EHMT1: variants seen among roughly 807,000 people sequenced by gnomAD.
EHMT1 encodes the protein histone-lysine N-methyltransferase EHMT1.
A neutral mutation model predicts 147.2 loss-of-function variants in EHMT1; 15 were observed. The ratio of observed to expected loss-of-function variants is 0.10; its 90% confidence interval spans 0.07 to 0.16. The LOEUF (loss-of-function observed/expected upper bound fraction) is 0.16. Among genes scored for constraint, EHMT1 ranks in the 10% least tolerant of loss-of-function variants. EHMT1 has a pLI of 1.00. For missense variants in EHMT1, 1,587 were observed against 1,772.4 expected (o/e 0.90, Z 1.88); for synonymous variants, 795 against 709.6 (o/e 1.12, Z -1.91).
chr9:137,742,036 A>G (rs115146771), intron 4 of EHMT1, among the ~76,000 whole-genome samples: 199 of 152,272 alleles, frequency 1.3e-3, no homozygotes, highest in African/African-American at 4.7e-3. Flanking sequence ...AGCCTGTTAT[A>G]GTGTGGACAG....
chr9:137,811,727 T>C, intron 19 of EHMT1, 112 bp downstream of exon 19: 1 of 1,401,740 alleles, frequency 7.1e-7, no homozygotes. Context: ...ACACAGGCCC[T>C]CTGTTCCTTC....
chr9:137,781,229 TGTG>T lies in EHMT1; in HGVS notation c.2276-1058_2276-1056del, dbSNP rs1364989036. ...GACGTGTGGTGACGACGCTGGGACGTGTGGTGACGACGCTGGGACGTGTGGTGA... is the reference window on the plus strand; with the variant it reads ...GACGTGTGGTGACGACGCTGGGACGTGTGACGACGCTGGGACGTGTGGTGA... On this transcript the variant is annotated intron_variant, in intron 14 of 26. Coordinates refer to ENST00000460843, the MANE Select transcript of EHMT1 (RefSeq NM_024757.5). 8.0e-4 allele frequency among the ~76,000 whole-genome samples: 70 copies of T among 87,938 alleles called. 8 individuals carry two copies. Among genetic ancestry groups the T allele is most frequent in the Non-Finnish European group, 1.1e-3 (51 of 46,910 alleles). 57.7% of individuals were successfully genotyped at this position (87,938 alleles called of 152,430 possible). A position where few individuals can be genotyped will look rare whatever the true frequency, so the allele number is the denominator to read the frequency against.
At chr9:137,830,797 T>C (rs73581172) in intron 25 of EHMT1, among the ~76,000 whole-genome samples, 1,636 of 152,290 alleles carry the variant, frequency 0.011, 33 homozygotes, top group African/African-American at 0.037. Context: ...TGTTTTTTGA[T>C]TGTGTAAAAT....
At chr9:137,801,608 C>T (rs1278308813) in intron 18 of EHMT1, among the ~76,000 whole-genome samples, 8 of 152,230 alleles carry the variant, frequency 5.3e-5, no homozygotes, top group Admixed American at 3.9e-4. Flanking sequence ...AAGTGATTCT[C>T]CTGCCTCAGC....
At chr9:137,625,330 C>G (rs189344625) in intron 1 of EHMT1, among the ~76,000 whole-genome samples, 1 of 152,134 alleles carries the variant, frequency 6.6e-6, no homozygotes, top group Non-Finnish European at 1.5e-5. Context: ...GCTGTGAAAT[C>G]TGAAGATTGA....
chr9:137,701,164 TC>T (rs140907067), intron 1 of EHMT1, among the ~76,000 whole-genome samples: 15,268 of 151,998 alleles, frequency 0.1, 835 homozygotes, highest in Middle Eastern at 0.2. Flanking sequence ...ACCAGGTCCC[TC>T]CCCCAACATT....
At chr9:137,803,156 C>G in intron 18 of EHMT1, 1 of 1,225,870 alleles carries the variant, frequency 8.2e-7, no homozygotes, top group African/African-American at 1.6e-5. Flanking sequence ...GCTGTTCCCC[C>G]AGAATGGAAG....
chr9:137,742,080 TC>T (rs1948133688), intron 4 of EHMT1, among the ~76,000 whole-genome samples: 1 of 152,186 alleles, frequency 6.6e-6, no homozygotes, highest in South Asian at 2.1e-4. Context: ...GGCTGTGTGC[TC>T]CGAGCCTGAC....
intron 1 of EHMT1, among the ~76,000 whole-genome samples, chr9:137,635,596 G>T (rs777858884): frequency 2.6e-5 from 4 of 151,506 alleles, no homozygotes; most frequent in Admixed American, 2.0e-4. Flanking sequence ...CGAGGTGGGT[G>T]GATCACGAGG....
At chr9:137,802,448 T>A (rs1342045801) in intron 18 of EHMT1, 1 of 398,566 alleles carries the variant, frequency 2.5e-6, no homozygotes, top group Admixed American at 4.4e-5. Flanking sequence ...CAGCCACAAA[T>A]AAACCCACTA....
chr9:137,623,450 C>T (rs931456397), intron 1 of EHMT1, among the ~76,000 whole-genome samples: 2 of 151,650 alleles, frequency 1.3e-5, no homozygotes, highest in African/African-American at 4.8e-5. Context: ...AGGTCCGCTC[C>T]GTCGCCCAGG....
At chr9:137,684,476 T>C (rs1288601955) in intron 1 of EHMT1, among the ~76,000 whole-genome samples, 1 of 152,124 alleles carries the variant, frequency 6.6e-6, no homozygotes, top group East Asian at 1.9e-4. Flanking sequence ...ACAAAGCCAT[T>C]ATTTTTTGTT....
intron 1 of EHMT1, among the ~76,000 whole-genome samples, chr9:137,707,063 G>A (rs1944329499): frequency 6.6e-6 from 1 of 152,218 alleles, no homozygotes; most frequent in Admixed American, 6.5e-5. Context: ...GACCTCAGGT[G>A]ATCCACTCAC....
chr9:137,778,164 C>A (rs1017812618), intron 13 of EHMT1, 109 bp downstream of exon 13: 2 of 1,340,116 alleles, frequency 1.5e-6, no homozygotes, highest in African/African-American at 1.4e-5. Flanking sequence ...TTGATTAATG[C>A]TGTTCGTTAG....
chr9:137,725,485 A>T (rs1946535823), intron 3 of EHMT1, among the ~76,000 whole-genome samples: 1 of 152,188 alleles, frequency 6.6e-6, no homozygotes, highest in South Asian at 2.1e-4. Flanking sequence ...GAATCACTGA[A>T]TGTGGCACAC....
At position 137,650,071 on chromosome 9, in the gene EHMT1, T is replaced by C. The variant is rs58624688; in HGVS notation, c.21+31022T>C. On this transcript the variant is annotated intron_variant, in intron 1 of 26. Coordinates refer to ENST00000460843, the MANE Select transcript of EHMT1 (RefSeq NM_024757.5). ...CAGCAGTGAATGAGGGTTCCAGTTTTTATATCGTCGCCAACACTTGTTATT... is the reference window on the plus strand; with the variant it reads ...CAGCAGTGAATGAGGGTTCCAGTTTCTATATCGTCGCCAACACTTGTTATT... Among the ~76,000 whole-genome samples the C allele has an allele frequency of 3.8e-3, 580 of 152,276 alleles. 20 individuals carry two copies. In the East Asian group the frequency reaches 0.087, roughly 23 times the overall value.
chr9:137,730,435 C>T (rs964990971), intron 4 of EHMT1, among the ~76,000 whole-genome samples: 3 of 152,082 alleles, frequency 2.0e-5, no homozygotes, highest in African/African-American at 7.2e-5. Context: ...AGTTATCTGT[C>T]CATTTACTTT....
chr9:137,623,112 C>T (rs1843036449), intron 1 of EHMT1, among the ~76,000 whole-genome samples: 1 of 150,810 alleles, frequency 6.6e-6, no homozygotes, highest in South Asian at 2.1e-4. Context: ...ACTCGGGAGG[C>T]TGAGGCAGGA....
At chr9:137,757,469 A>C (rs1219683773) in intron 8 of EHMT1, among the ~76,000 whole-genome samples, 1 of 152,248 alleles carries the variant, frequency 6.6e-6, no homozygotes, top group Non-Finnish European at 1.5e-5. Flanking sequence ...TTTACATCTG[A>C]TCTTTCAAAT....
Sources: gnomAD v4.1 joint callset for allele counts (sites outside exome capture counted in the v4.1 genomes callset) on GRCh38, gnomAD v4.1.1 for gene constraint, MANE v1.5 for transcripts, NCBI Gene and HGNC (gene_info 2026-07-23, HGNC 2026-07-21) for gene names.